GABRB1: variants seen among roughly 807,000 people sequenced by gnomAD.
GABRB1 encodes gamma-aminobutyric acid receptor subunit beta-1.
GABRB1 carries 17 observed loss-of-function variants against 51.6 expected under a neutral mutation model. The ratio of observed to expected loss-of-function variants is 0.33; its 90% CI spans 0.23 to 0.49. The LOEUF (loss-of-function observed/expected upper bound fraction) is 0.49. Ranked by LOEUF, GABRB1 falls within the 20% of genes least tolerant of loss-of-function variation. The probability of loss-of-function intolerance (pLI) is 0.99; values close to 1 mark genes in which losing one functional copy is unlikely to be tolerated. For missense variants in GABRB1, 410 were observed against 600.6 expected, an observed-to-expected ratio of 0.68 and a Z score of 3.32; for synonymous variants, 247 against 218.9, an observed-to-expected ratio of 1.13 and a Z score of -1.14.
intron 3 of GABRB1, among the ~76,000 whole-genome samples, chr4:47,081,446 C>T (rs1162709737): frequency 6.6e-6 from 1 of 152,136 alleles, no homozygotes; most frequent in African/African-American, 2.4e-5. Flanking sequence ...ATTGCCAAGG[C>T]ACCAAATATC....
chr4:47,188,397 C>T (rs1719279866), intron 4 of GABRB1, among the ~76,000 whole-genome samples: 1 of 151,826 alleles, frequency 6.6e-6, no homozygotes, highest in South Asian at 2.1e-4. Context: ...ATTTTATTCA[C>T]CCATATATGT....
At chr4:47,262,650 T>A (rs1722486205) in intron 4 of GABRB1, among the ~76,000 whole-genome samples, 1 of 152,214 alleles carries the variant, frequency 6.6e-6, no homozygotes, top group Non-Finnish European at 1.5e-5. Context: ...TCTTCAGGGA[T>A]CTGGAACTAA....
At chr4:47,248,123 A>G (rs942870304) in intron 4 of GABRB1, among the ~76,000 whole-genome samples, 5 of 152,042 alleles carry the variant, frequency 3.3e-5, no homozygotes, top group African/African-American at 1.2e-4. Context: ...ATTTTTCCCC[A>G]ATCAGTATTA....
intron 3 of GABRB1, among the ~76,000 whole-genome samples, chr4:47,035,884 C>T (rs1359077829): frequency 1.3e-5 from 2 of 152,172 alleles, no homozygotes; most frequent in Non-Finnish European, 2.9e-5. Context: ...TTTCAAATTC[C>T]AGTGACTAGC....
At chr4:47,238,197 T>A (rs960756811) in intron 4 of GABRB1, among the ~76,000 whole-genome samples, 2 of 151,812 alleles carry the variant, frequency 1.3e-5, no homozygotes, top group Admixed American at 6.6e-5. Flanking sequence ...AAAATAAAAA[T>A]AAAAGAATGA....
At chr4:47,024,676 G>T (rs546799946) in intron 1 of GABRB1, among the ~76,000 whole-genome samples, 135 of 151,576 alleles carry the variant, frequency 8.9e-4, no homozygotes, top group South Asian at 2.7e-3. Context: ...CATCACCCGA[G>T]CAGTATACAC....
chr4:47,123,434 A>ATTATTTT (rs1715885908), intron 3 of GABRB1, among the ~76,000 whole-genome samples: 2 of 117,222 alleles, frequency 1.7e-5, no homozygotes, highest in African/African-American at 6.7e-5. Flanking sequence ...TATATATTAT[A>ATTATTTT]ATATATTATT....
intron 8 of GABRB1, among the ~76,000 whole-genome samples, chr4:47,407,879 C>G (rs1277221216): frequency 6.6e-6 from 1 of 152,016 alleles, no homozygotes; most frequent in African/African-American, 2.4e-5. Flanking sequence ...CTCACTGGAG[C>G]CTAGGAGTTT....
chr4:47,258,802 G>A (rs537107406), intron 4 of GABRB1, among the ~76,000 whole-genome samples: 1 of 152,202 alleles, frequency 6.6e-6, no homozygotes, highest in East Asian at 1.9e-4. Flanking sequence ...CCTAAAAAGT[G>A]TCTCATTAAG....
chr4:47,361,662 G>A (rs1041214437), intron 5 of GABRB1, among the ~76,000 whole-genome samples: 23 of 152,036 alleles, frequency 1.5e-4, no homozygotes, highest in African/African-American at 5.6e-4. Flanking sequence ...CAGTGGTGAT[G>A]GAAAAAAACT....
chr4:47,153,943 A>G (rs963539659), intron 3 of GABRB1, among the ~76,000 whole-genome samples: 5 of 152,080 alleles, frequency 3.3e-5, no homozygotes, highest in African/African-American at 1.2e-4. Flanking sequence ...GGTAATAAAG[A>G]ATGCATGTAT....
intron 5 of GABRB1, among the ~76,000 whole-genome samples, chr4:47,345,875 C>T (rs898526886): frequency 2.0e-5 from 3 of 152,054 alleles, no homozygotes; most frequent in Non-Finnish European, 4.4e-5. Context: ...CCCAGATTCC[C>T]CCAAACAAGC....
At chr4:47,198,164 A>G (rs1182696366) in intron 4 of GABRB1, among the ~76,000 whole-genome samples, 1 of 152,206 alleles carries the variant, frequency 6.6e-6, no homozygotes, top group African/African-American at 2.4e-5. Flanking sequence ...CCACTAAGGC[A>G]TAGTGGCAGG....
intron 3 of GABRB1, among the ~76,000 whole-genome samples, chr4:47,135,384 G>A (rs533657177): frequency 6.6e-6 from 1 of 152,058 alleles, no homozygotes; most frequent in East Asian, 1.9e-4. Flanking sequence ...AGCTATGGCA[G>A]CCCACATTAC....
chr4:47,024,919 G>A (rs1375252678), intron 1 of GABRB1, among the ~76,000 whole-genome samples: 2 of 52,486 alleles, frequency 3.8e-5, no homozygotes, highest in African/African-American at 1.9e-4. Context: ...TTTTATGGCT[G>A]GGTAGTATTC....
At chr4:47,329,291 T>C (rs1725376597) in intron 5 of GABRB1, among the ~76,000 whole-genome samples, 1 of 151,880 alleles carries the variant, frequency 6.6e-6, no homozygotes, top group Non-Finnish European at 1.5e-5. Flanking sequence ...ATGATCAGAG[T>C]TGCCCAGTGT....
chr4:47,421,581 G>C (rs543255229), intron 8 of GABRB1, among the ~76,000 whole-genome samples: 146 of 152,182 alleles, frequency 9.6e-4, no homozygotes, highest in African/African-American at 3.5e-3. Flanking sequence ...TAAGGGATCT[G>C]AGACCCAGAC....
intron 3 of GABRB1, among the ~76,000 whole-genome samples, chr4:47,150,662 C>CAT (rs1391865843): frequency 1.3e-5 from 2 of 151,598 alleles, no homozygotes; most frequent in Non-Finnish European, 2.9e-5. Context: ...CACACACACA[C>CAT]ATAATGTTAT....
chr4:47,420,249 G>T (rs1729052294), intron 8 of GABRB1, among the ~76,000 whole-genome samples: 1 of 152,148 alleles, frequency 6.6e-6, no homozygotes, highest in Non-Finnish European at 1.5e-5. Flanking sequence ...TAGAATGCCT[G>T]CTTCCTTCTT....
Sources: allele counts gnomAD v4.1 joint callset (sites outside exome capture counted in the v4.1 genomes callset), GRCh38; gene constraint gnomAD v4.1.1; transcripts MANE v1.5; gene names NCBI Gene and HGNC (gene_info 2026-07-23, HGNC 2026-07-21).